Variants in PFKFB3 observed in about 807,000 individuals in gnomAD.
PFKFB3 encodes 6-phosphofructo-2-kinase/fructose-2,6-bisphosphatase 3.
In PFKFB3, 33 loss-of-function variants were observed where a neutral mutation model predicts 68.0. The ratio of observed to expected loss-of-function variants is 0.49; its 90% CI spans 0.37 to 0.65. The LOEUF (loss-of-function observed/expected upper bound fraction) is 0.65, where lower values mean the gene tolerates loss of function less well. PFKFB3 is among the 30% of genes least tolerant of loss of function. The pLI, the probability that PFKFB3 is intolerant of heterozygous loss-of-function variation, is 0.00. For synonymous variants in PFKFB3, 315 were observed against 288.2 expected, an observed-to-expected ratio of 1.09 and a Z score of -0.94; for missense variants, 586 against 712.2, an observed-to-expected ratio of 0.82 and a Z score of 2.02.
At chr10:6,258,220 A>G (rs149790872), downstream of PFKFB3, among the ~76,000 whole-genome samples, 355 of 152,342 alleles carry the variant, frequency 2.3e-3, 2 homozygotes, top group African/African-American at 8.3e-3. Context: ...GTGTATGCAC[A>G]TACAGAAAAA....
rs1317347248 is a variant in PFKFB3 at position 6,188,160 on chromosome 10, C to T, written c.17-25463C>T. ...TTTTCTGAACCATTTGAGAGTTAGA[C>T]GCAGACATGATGCCCTTTTGTCCCT... is the stretch of plus-strand genomic sequence containing the variant. On this transcript the variant is annotated intron_variant, in intron 1 of 14. Transcript: ENST00000379789. Among the ~76,000 whole-genome samples, 4 of 151,802 alleles carry T rather than the reference C, an allele frequency of 2.6e-5. No individual in the cohort carries two copies. In the Admixed American group the frequency reaches 2.6e-4, roughly 10 times the overall value.
the PFKFB3 span, among the ~76,000 whole-genome samples, chr10:6,274,318 C>T: frequency 6.6e-6 from 1 of 152,132 alleles, no homozygotes; most frequent in South Asian, 2.1e-4. Context: ...GCTGTAGCCC[C>T]TCTGGTCCTC....
At chr10:6,197,139 C>T (rs1843199925) in intron 1 of PFKFB3, among the ~76,000 whole-genome samples, 2 of 152,148 alleles carry the variant, frequency 1.3e-5, no homozygotes, top group South Asian at 4.2e-4. Context: ...TCCCCGCCAC[C>T]ATGCCCAGCT....
rs774789106 is a variant in PFKFB3, at chr10:6,220,772, G to A, written c.738G>A (p.Pro246=). The A allele has an allele frequency of 1.5e-5, 24 of 1,613,972 alleles. No individual in the cohort carries two copies. The highest frequency in any genetic ancestry group is 1.7e-5 in the Admixed American group (1 of 60,010). The change falls in exon 8 of 15, where the codon CCG becomes CCA. Residue 246 remains proline, a synonymous_variant. Transcript: ENST00000379775. This position sits in a 1 kb window ranked among gnomAD's most constrained non-coding sequence, Gnocchi z 4.1. ...ACCTGATGAACATCCACGTGCAGCC[G>A]CGTACCATCTACCTGTGCCGGCACG... ...VYYLMNIHVQ[P]RTIYLCRHGE... is the part of the protein sequence containing the mutation.
chr10:6,156,135 G>A (rs1301219169), intron 1 of PFKFB3, among the ~76,000 whole-genome samples: 5 of 122,114 alleles, frequency 4.1e-5, no homozygotes, highest in African/African-American at 1.5e-4. Flanking sequence ...ATATATGTGT[G>A]TGTGTGTGTG....
chr10:6,210,041 C>G (rs55811515), intron 1 of PFKFB3, among the ~76,000 whole-genome samples: 1 of 106,412 alleles, frequency 9.4e-6, no homozygotes, highest in East Asian at 2.2e-4. Flanking sequence ...CGTGAGCCAC[C>G]GTGCCCGGCC....
At chr10:6,145,299 TCGCGTCTCCTTTCCGGCCC>T (rs1564579778) in intron 1 of PFKFB3, among the ~76,000 whole-genome samples, 1 of 150,790 alleles carries the variant, frequency 6.6e-6, no homozygotes, top group Non-Finnish European at 1.5e-5. Flanking sequence ...CTTTCCGGCC[TCGCGTCTCCTTTCCGGCCC>T]CGCGTCTCCT....
At chr10:6,148,021 T>G (rs991839341) in intron 1 of PFKFB3, among the ~76,000 whole-genome samples, 19 of 152,336 alleles carry the variant, frequency 1.2e-4, no homozygotes, top group African/African-American at 4.6e-4. Context: ...ATGGGAAAGA[T>G]GAGTGGTTGT....
the PFKFB3 span, among the ~76,000 whole-genome samples, chr10:6,303,959 G>A: frequency 1.5e-3 from 234 of 152,192 alleles, no homozygotes; most frequent in African/African-American, 5.3e-3. Flanking sequence ...GTGGCTGGCT[G>A]GACCCAAATG....
chr10:6,156,868 G>A (rs1223915547), intron 1 of PFKFB3, among the ~76,000 whole-genome samples: 2 of 151,616 alleles, frequency 1.3e-5, no homozygotes, highest in Admixed American at 6.6e-5. Flanking sequence ...GAGGCAGGTG[G>A]ATCACCTGAG....
the PFKFB3 span, among the ~76,000 whole-genome samples, chr10:6,281,956 A>ATT: frequency 9.3e-3 from 1,333 of 143,012 alleles, 14 homozygotes; most frequent in African/African-American, 0.027. Context: ...CAGAGCATGA[A>ATT]TTTTTTTTTT....
chr10:6,290,533 C>T, the PFKFB3 span, among the ~76,000 whole-genome samples: 56 of 138,658 alleles, frequency 4.0e-4, no homozygotes, highest in Non-Finnish European at 5.7e-4. Flanking sequence ...GAGTCTTGCT[C>T]TATTGCCCAG....
chr10:6,222,683 C>T, intron 10 of PFKFB3, 172 bp from the exon 11 acceptor site: 1 of 630,468 alleles, frequency 1.6e-6, no homozygotes, highest in Non-Finnish European at 2.5e-6. Flanking sequence ...GGGCTTCACT[C>T]TTTTTGTGGC....
intron 1 of PFKFB3, among the ~76,000 whole-genome samples, chr10:6,211,013 C>T (rs1342749902): frequency 6.6e-6 from 1 of 152,054 alleles, no homozygotes; most frequent in African/African-American, 2.4e-5. Context: ...CGGTGCGCCC[C>T]TCTCTTGTTC....
At chr10:6,158,969 A>G (rs1028984299) in intron 1 of PFKFB3, among the ~76,000 whole-genome samples, 1 of 152,214 alleles carries the variant, frequency 6.6e-6, no homozygotes, top group Non-Finnish European at 1.5e-5. Flanking sequence ...TCTCATAGAA[A>G]AACCTTTACA....
intron 1 of PFKFB3, among the ~76,000 whole-genome samples, chr10:6,197,204 T>C (rs553186738): frequency 3.3e-4 from 51 of 152,248 alleles, no homozygotes; most frequent in African/African-American, 1.2e-3. Context: ...CTCGAACTCC[T>C]GAACTCAGAT....
At chr10:6,239,017 C>A (rs1409925047), downstream of PFKFB3, among the ~76,000 whole-genome samples, 1 of 152,100 alleles carries the variant, frequency 6.6e-6, no homozygotes, top group Non-Finnish European at 1.5e-5. Context: ...GTGAGTAGTG[C>A]TGCAATGAAC....
chr10:6,202,805 G>A, upstream of PFKFB3: 1 of 877,208 alleles, frequency 1.1e-6, no homozygotes, highest in Non-Finnish European at 1.4e-6. Flanking sequence ...CTGCTTCCCG[G>A]CTCGCCCACC....
chr10:6,216,825 G>GA (rs761668934), intron 5 of PFKFB3, 45 bp downstream of exon 5: 1 of 1,446,262 alleles, frequency 6.9e-7, no homozygotes, highest in African/African-American at 1.4e-5. Flanking sequence ...CGGGAGAGAG[G>GA]AAAAGGCTTC....
Sources: allele counts gnomAD v4.1 joint callset (sites outside exome capture counted in the v4.1 genomes callset), GRCh38; gene constraint gnomAD v4.1.1; non-coding constraint Gnocchi (gnomAD v3.1); transcripts MANE v1.5; gene names NCBI Gene and HGNC (gene_info 2026-07-23, HGNC 2026-07-21).